TNFRSF1B: variants seen among roughly 807,000 people sequenced by gnomAD.
TNFRSF1B encodes the protein tumor necrosis factor receptor superfamily member 1B.
In TNFRSF1B, 19 loss-of-function variants were observed where a neutral mutation model predicts 44.6. The ratio of observed to expected loss-of-function variants is 0.43; its 90% CI spans 0.30 to 0.62. The LOEUF is 0.62. Among genes scored for constraint, TNFRSF1B ranks in the 20% least tolerant of loss-of-function variants. The pLI is 0.16. For synonymous variants in TNFRSF1B, 252 were observed against 261.1 expected, an observed-to-expected ratio of 0.97 and a Z score of 0.34; for missense variants, 541 against 619.9, an observed-to-expected ratio of 0.87 and a Z score of 1.35.
At chr1:12,201,073 C>T (rs1182229314) in intron 8 of TNFRSF1B, among the ~76,000 whole-genome samples, 1 of 151,994 alleles carries the variant, frequency 6.6e-6, no homozygotes, top group Non-Finnish European at 1.5e-5. Flanking sequence ...GGTAACATAG[C>T]ACAACCCTGT....
chr1:12,192,402 G>A (rs1413791587), intron 4 of TNFRSF1B, 29 bp from the exon 5 acceptor site: 10 of 1,610,912 alleles, frequency 6.2e-6, no homozygotes, highest in Admixed American at 5.0e-5. Context: ...GTGTCTGAGT[G>A]GTTGACAAGT....
intron 8 of TNFRSF1B, among the ~76,000 whole-genome samples, chr1:12,198,613 G>A (rs1186469514): frequency 6.6e-6 from 1 of 151,812 alleles, no homozygotes; most frequent in Admixed American, 6.6e-5. Flanking sequence ...CTGGGTCTCT[G>A]CTTCTGCCCA....
intron 7 of TNFRSF1B, 151 bp downstream of exon 7, chr1:12,194,183 A>T: frequency 1.5e-6 from 1 of 663,218 alleles, no homozygotes; most frequent in Non-Finnish European, 2.7e-6. Flanking sequence ...CCTGGGGTGA[A>T]GGTACCTCTG....
rs527384440 is a variant in TNFRSF1B, at chr1:12,180,509, G to A, written c.79-8287G>A. On this transcript the variant is annotated intron_variant, in intron 1 of 9. Transcript: ENST00000376259. This position sits in a 1 kb window ranked among gnomAD's most constrained non-coding sequence, Gnocchi z 4.3. ...GGACAAGCAGCAAGTCAGTTGACCC[G>A]GGGTTGCTCAATTCCCCAAGAGCTG... 1.3e-5 allele frequency among the ~76,000 whole-genome samples: 2 copies of A among 152,308 alleles called. No homozygotes were observed. Among genetic ancestry groups the A allele is most frequent in the Admixed American group, 6.5e-5 (1 of 15,300 alleles).
chr1:12,205,256 G>A (rs1010172024), intron 9 of TNFRSF1B, among the ~76,000 whole-genome samples: 3 of 152,050 alleles, frequency 2.0e-5, no homozygotes, highest in Non-Finnish European at 2.9e-5. Context: ...CTGAGGGAGC[G>A]GCCTGTGCAA....
chr1:12,201,470 G>GT (rs1379727281), intron 8 of TNFRSF1B, among the ~76,000 whole-genome samples: 1 of 130,364 alleles, frequency 7.7e-6, no homozygotes, highest in African/African-American at 2.8e-5. Flanking sequence ...CCTTTATAGA[G>GT]TAAAAAAAAA....
Position 12,166,991 on chromosome 1 carries a change from AG to A in TNFRSF1B, c.-100del. 1 of 962,410 alleles carries A rather than the reference AG, an allele frequency of 1.0e-6. No individual in the cohort carries two copies. Among genetic ancestry groups the A allele is most frequent in the Non-Finnish European group, 1.3e-6 (1 of 745,414 alleles). 59.6% of individuals were successfully genotyped at this position (962,410 alleles called of 1,614,324 possible). On this transcript the variant is annotated 5_prime_UTR_variant, in exon 1 of 10. Transcript: ENST00000376259. ...CGCTGGGGCGCGGGCTTTCGCTTTC[AG>A]TCGAGGGCTAGCGAGCGCAGCGGAG...
At chr1:12,173,636 C>A (rs5745963) in intron 1 of TNFRSF1B, among the ~76,000 whole-genome samples, 16 of 152,300 alleles carry the variant, frequency 1.1e-4, no homozygotes, top group African/African-American at 3.9e-4. Flanking sequence ...GTCTGGGAAC[C>A]CACAGGTTCA....
intron 1 of TNFRSF1B, among the ~76,000 whole-genome samples, chr1:12,181,710 G>C (rs1286111290): frequency 3.3e-5 from 5 of 151,522 alleles, no homozygotes; most frequent in Non-Finnish European, 7.4e-5. Flanking sequence ...GCCCTCCCTG[G>C]GGGGAAGGGG....
intron 9 of TNFRSF1B, among the ~76,000 whole-genome samples, chr1:12,204,548 GA>G (rs1442406203): frequency 6.6e-6 from 1 of 152,092 alleles, no homozygotes; most frequent in Admixed American, 6.6e-5. Flanking sequence ...CTCATTTTCT[GA>G]GGGGGCTACT....
chr1:12,167,210 A>G, intron 1 of TNFRSF1B, 41 bp downstream of exon 1: 2 of 1,228,448 alleles, frequency 1.6e-6, no homozygotes, highest in South Asian at 3.1e-5. Context: ...GCCGCCCCGC[A>G]TGTCCACCCG....
intron 8 of TNFRSF1B, among the ~76,000 whole-genome samples, chr1:12,196,215 C>T (rs751324186): frequency 5.3e-5 from 8 of 152,054 alleles, no homozygotes; most frequent in African/African-American, 1.5e-4. Flanking sequence ...GCAGGAGAGT[C>T]GCTTGAACCC....
chr1:12,205,728 TCTC>T (rs1299914127), intron 9 of TNFRSF1B, among the ~76,000 whole-genome samples: 4 of 152,106 alleles, frequency 2.6e-5, no homozygotes, highest in South Asian at 2.1e-4. Context: ...TTCAAGCTAT[TCTC>T]CTGCCTCAGC....
intron 1 of TNFRSF1B, among the ~76,000 whole-genome samples, chr1:12,174,266 C>CTCCTTCTCCTTCTCCTTCTCCT (rs1553162472): frequency 1.1e-4 from 15 of 142,672 alleles, no homozygotes; most frequent in East Asian, 6.1e-4. Flanking sequence ...CCTTCTTCTT[C>CTCCTTCTCCTTCTCCTTCTCCT]TGATGGAGTC....
In TNFRSF1B at chr1:12,199,294, C is replaced by T. The variant is rs964633999; in HGVS notation, c.901-2673C>T. Among the ~76,000 whole-genome samples the T allele has an allele frequency of 6.6e-6, 1 of 152,196 alleles. No individual in the cohort carries two copies. The highest frequency in any genetic ancestry group is 2.4e-5 in the African/African-American group (1 of 41,462). On this transcript the variant is annotated intron_variant, in intron 8 of 9. Transcript: ENST00000376259. The surrounding 1 kb of genome is among the most constrained non-coding windows in gnomAD (Gnocchi z 4.0). ...AGCAGGGCTGGGGGGCAGTTGTGGG[C>T]AGTGACCAGGGTCAGACCACCTGGG...
intron 1 of TNFRSF1B, among the ~76,000 whole-genome samples, chr1:12,183,683 TCTA>T (rs1316070360): frequency 0.022 from 2,844 of 128,766 alleles, 64 homozygotes; most frequent in South Asian, 0.046. Context: ...TATCTATCTA[TCTA>T]TCTATCTATC....
chr1:12,170,652 T>C (rs569458030), intron 1 of TNFRSF1B, among the ~76,000 whole-genome samples: 1 of 152,318 alleles, frequency 6.6e-6, no homozygotes, highest in East Asian at 1.9e-4. Context: ...CACCCGACTC[T>C]ACACCAACTC....
In TNFRSF1B at chr1:12,193,045, T is replaced by C. The variant is rs1047110705; in HGVS notation, c.734T>C (p.Met245Thr). The change falls in exon 6 of 10, where the codon ATG becomes ACG. Residue 245 changes from methionine (M) to threonine (T), a missense_variant. Coordinates refer to ENST00000376259, the MANE Select transcript of TNFRSF1B (RefSeq NM_001066.3). ...TAPSTSFLLPMGPSPPAEGST... is the reference protein window; with the variant it reads ...TAPSTSFLLPTGPSPPAEGST... ...CCAAGCACCTCCTTCCTGCTCCCAA[T>C]GGGCCCCAGCCCCCCAGCTGAAGGG... 4 of 1,614,070 alleles carry C rather than the reference T, an allele frequency of 2.5e-6. No individual in the cohort carries two copies. Among genetic ancestry groups the C allele is most frequent in the Admixed American group, 3.3e-5 (2 of 60,014 alleles).
intron 8 of TNFRSF1B, among the ~76,000 whole-genome samples, chr1:12,200,709 G>A (rs1639370198): frequency 6.6e-6 from 1 of 151,970 alleles, no homozygotes; most frequent in Non-Finnish European, 1.5e-5. Context: ...CACAACCTCT[G>A]CCTCCCAGGT....
Sources: allele counts gnomAD v4.1 joint callset (sites outside exome capture counted in the v4.1 genomes callset), GRCh38; gene constraint gnomAD v4.1.1; non-coding constraint Gnocchi (gnomAD v3.1); transcripts MANE v1.5; gene names NCBI Gene and HGNC (gene_info 2026-07-23, HGNC 2026-07-21).